Variants in LARP1B observed in about 807,000 individuals in gnomAD.
LARP1B encodes the protein La ribonucleoprotein 1B.
In LARP1B, 76 loss-of-function variants were observed where a neutral mutation model predicts 114.2. The observed-to-expected ratio is 0.67, with a 90% CI of 0.55 to 0.81. The LOEUF (loss-of-function observed/expected upper bound fraction) is 0.81, where lower values mean the gene tolerates loss of function less well. Ranked by LOEUF, LARP1B falls within the 30% of genes least tolerant of loss-of-function variation. The pLI is 0.00. For missense variants in LARP1B, 1,014 were observed against 1,075.8 expected, an observed-to-expected ratio of 0.94 and a Z score of 0.80; for synonymous variants, 345 against 348.0, an observed-to-expected ratio of 0.99 and a Z score of 0.10.
At chr4:128,220,477 T>C (rs2150987351) in intron 7 of LARP1B, 1 of 257,628 alleles carries the variant, frequency 3.9e-6, no homozygotes, top group Non-Finnish European at 6.1e-6. Flanking sequence ...TCTTACTCCA[T>C]CTTGTGGTGA....
At chr4:128,113,359 T>A (rs1442680693) in intron 9 of LARP1B, among the ~76,000 whole-genome samples, 2 of 150,340 alleles carry the variant, frequency 1.3e-5, no homozygotes, top group Non-Finnish European at 3.0e-5. Context: ...TTCTTTTTTT[T>A]TTTTTTTGAG....
chr4:128,211,411 G>T lies in LARP1B; in HGVS notation c.*1358G>T. 1.1e-6 allele frequency: 1 copy of T among 921,506 alleles called. No homozygotes were observed. Among genetic ancestry groups the T allele is most frequent in the Non-Finnish European group, 1.3e-6 (1 of 771,884 alleles). The allele number at this position is 921,506 out of a possible 1,614,324, so 57.1% of individuals were successfully genotyped here. A position where few individuals can be genotyped will look rare whatever the true frequency, so the allele number is the denominator to read the frequency against. ...TTGAAATACATATAATCTTTGGATG[G>T]ATGGGCTGTTAATTTGTAAATAGGT... On this transcript the variant is annotated 3_prime_UTR_variant, in exon 20 of 20. Transcript: ENST00000326639.
intron 11 of LARP1B, among the ~76,000 whole-genome samples, chr4:128,125,668 C>T (rs1336705366): frequency 6.6e-6 from 1 of 152,192 alleles, no homozygotes; most frequent in Admixed American, 6.5e-5. Context: ...ATCACTTGAA[C>T]CCGGGAGGTG....
At chr4:128,111,250 G>T (rs1245429421) in intron 9 of LARP1B, among the ~76,000 whole-genome samples, 1 of 151,898 alleles carries the variant, frequency 6.6e-6, no homozygotes, top group Non-Finnish European at 1.5e-5. Context: ...GTTTCACCAT[G>T]TTGGTCAGGC....
intron 15 of LARP1B, among the ~76,000 whole-genome samples, chr4:128,185,101 A>G (rs1749858272): frequency 6.6e-6 from 1 of 152,146 alleles, no homozygotes; most frequent in Non-Finnish European, 1.5e-5. Context: ...GGTTGATTAC[A>G]TGTCTTGGCT....
intron 5 of LARP1B, among the ~76,000 whole-genome samples, chr4:128,083,307 G>A (rs2149474893): frequency 6.6e-6 from 1 of 152,248 alleles, no homozygotes; most frequent in East Asian, 1.9e-4. Context: ...TTGTCATCCT[G>A]GCCCGTTCTC....
intron 4 of LARP1B, among the ~76,000 whole-genome samples, chr4:128,078,201 C>T (rs769146121): frequency 2.0e-5 from 3 of 152,102 alleles, no homozygotes; most frequent in Non-Finnish European, 4.4e-5. Context: ...CTTAGAGGTA[C>T]AGTTGTAGAT....
At chr4:128,183,963 G>A (rs961178077) in intron 15 of LARP1B, among the ~76,000 whole-genome samples, 4 of 152,198 alleles carry the variant, frequency 2.6e-5, no homozygotes, top group Non-Finnish European at 5.9e-5. Context: ...AGTGGAGCCT[G>A]AAGATGTGAC....
intron 7 of LARP1B, among the ~76,000 whole-genome samples, chr4:128,220,913 C>T (rs1021180932): frequency 1.3e-5 from 2 of 152,190 alleles, no homozygotes; most frequent in East Asian, 1.9e-4. Context: ...GCTGAGCTAG[C>T]GTTTGAACTC....
chr4:128,072,329 T>A, intron 1 of LARP1B, among the ~76,000 whole-genome samples: 1 of 151,996 alleles, frequency 6.6e-6, no homozygotes. Flanking sequence ...GATAGTGAAA[T>A]AATGCTCAAA....
intron 8 of LARP1B, among the ~76,000 whole-genome samples, chr4:128,106,599 A>G (rs1045351593): frequency 5.9e-5 from 9 of 151,648 alleles, no homozygotes; most frequent in Non-Finnish European, 1.3e-4. Context: ...AGTTGTAGAT[A>G]GATAGTGGTT....
At chr4:128,065,601 A>G (rs1362953757) in intron 1 of LARP1B, among the ~76,000 whole-genome samples, 2 of 151,972 alleles carry the variant, frequency 1.3e-5, no homozygotes, top group East Asian at 1.9e-4. Flanking sequence ...ATTGTGGTGT[A>G]GAAACATACT....
intron 5 of LARP1B, among the ~76,000 whole-genome samples, chr4:128,088,564 G>A (rs886899206): frequency 4.6e-5 from 7 of 151,954 alleles, no homozygotes; most frequent in Non-Finnish European, 7.4e-5. Flanking sequence ...GTACTACCAC[G>A]AACATTTTAA....
At chr4:128,174,722 C>G in intron 12 of LARP1B, among the ~76,000 whole-genome samples, 1 of 151,966 alleles carries the variant, frequency 6.6e-6, no homozygotes, top group East Asian at 1.9e-4. Flanking sequence ...ACCTTGCCTC[C>G]CGATCTATTC....
intron 7 of LARP1B, among the ~76,000 whole-genome samples, chr4:128,096,968 T>A (rs1422888903): frequency 2.6e-5 from 4 of 151,638 alleles, no homozygotes; most frequent in Non-Finnish European, 1.5e-5. Flanking sequence ...GCACCATCCC[T>A]GTTCACTGCA....
At chr4:128,172,451 G>A (rs1204310065) in intron 12 of LARP1B, among the ~76,000 whole-genome samples, 2 of 152,166 alleles carry the variant, frequency 1.3e-5, no homozygotes, top group Non-Finnish European at 2.9e-5. Flanking sequence ...CCAGCACTTT[G>A]GGAGGCCAAG....
At chr4:128,079,897 G>A (rs1769580735) in intron 4 of LARP1B, among the ~76,000 whole-genome samples, 1 of 151,490 alleles carries the variant, frequency 6.6e-6, no homozygotes, top group Non-Finnish European at 1.5e-5. Context: ...TCACTTAACT[G>A]TTCCCTGCTT....
intron 15 of LARP1B, among the ~76,000 whole-genome samples, chr4:128,185,636 T>A (rs1441336016): frequency 6.6e-6 from 1 of 152,182 alleles, no homozygotes; most frequent in African/African-American, 2.4e-5. Context: ...TTCTGTAGGT[T>A]GTCTCTTCAC....
chr4:128,073,572 GTTTTTTTTTTTTTTTTTTTTTTTTTTT>G (rs568197117), intron 1 of LARP1B, among the ~76,000 whole-genome samples: 3 of 39,996 alleles, frequency 7.5e-5, no homozygotes, highest in Non-Finnish European at 1.5e-4. Context: ...TATTGTTGTC[GTTTTTTTTTTTTTTTTTTTTTTTTTTT>G]TTTTTTTTTT....
Sources: gnomAD v4.1 joint callset for allele counts (sites outside exome capture counted in the v4.1 genomes callset) on GRCh38, gnomAD v4.1.1 for gene constraint, MANE v1.5 for transcripts, NCBI Gene and HGNC (gene_info 2026-07-23, HGNC 2026-07-21) for gene names.